The following MAML2 variants were observed in gnomAD, a reference collection of about 807,000 sequenced individuals.
MAML2 encodes mastermind-like protein 2.
MAML2 carries 22 observed loss-of-function variants against 96.1 expected under a neutral mutation model. That is an observed-to-expected ratio of 0.23 (90% CI 0.16 to 0.33). The LOEUF (loss-of-function observed/expected upper bound fraction) is 0.33. Among genes scored for constraint, MAML2 ranks in the 10% least tolerant of loss-of-function variants. The probability of loss-of-function intolerance (pLI) is 1.00; values close to 1 mark genes in which losing one functional copy is unlikely to be tolerated. For missense variants in MAML2, 1,367 were observed against 1,392.4 expected (o/e 0.98, Z 0.29); for synonymous variants, 561 against 521.3 (o/e 1.08, Z -1.04).
intron 1 of MAML2, among the ~76,000 whole-genome samples, chr11:96,149,800 C>A (rs530306041): frequency 6.6e-6 from 1 of 152,252 alleles, no homozygotes; most frequent in East Asian, 1.9e-4. Context: ...CTGTCTCCTT[C>A]TCTTTGTCTC....
intron 1 of MAML2, among the ~76,000 whole-genome samples, chr11:96,128,082 G>T (rs531589335): frequency 6.6e-6 from 1 of 152,234 alleles, no homozygotes; most frequent in African/African-American, 2.4e-5. Context: ...GGTCTAAAAA[G>T]CTCCCAGGTG....
At chr11:96,088,764 G>A (rs946487555) in intron 2 of MAML2, among the ~76,000 whole-genome samples, 4 of 152,100 alleles carry the variant, frequency 2.6e-5, no homozygotes, top group Non-Finnish European at 4.4e-5. Context: ...CATCTCTCAG[G>A]CATCATTTAC....
chr11:96,341,679 T>G lies in MAML2; in HGVS notation c.217A>C (p.Thr73Pro), dbSNP rs756335282. The G allele has an allele frequency of 2.5e-6, 4 of 1,594,216 alleles. No individual in the cohort carries two copies. In the Admixed American group the frequency reaches 7.0e-5, roughly 28 times the overall value. The change falls in exon 1 of 5, where the codon ACC becomes CCC. Residue 73 changes from threonine to proline, a missense_variant. Physicochemically the swap from Thr to Pro is conservative, Grantham distance 38. Coordinates refer to ENST00000524717, the MANE Select transcript of MAML2 (RefSeq NM_032427.4). ...AESSDRERESTLQLLSLVQHG... is the reference protein window; with the variant it reads ...AESSDRERESPLQLLSLVQHG... ...TGTACAAGGCTCAGGAGCTGCAAGGTGCTTTCTCTTTCCCGGTCTGAGCTC... is the reference window on the plus strand; with the variant it reads ...TGTACAAGGCTCAGGAGCTGCAAGGGGCTTTCTCTTTCCCGGTCTGAGCTC...
At chr11:96,117,117 C>T (rs561855231) in intron 1 of MAML2, among the ~76,000 whole-genome samples, 16 of 151,984 alleles carry the variant, frequency 1.1e-4, no homozygotes, top group African/African-American at 1.5e-4. Context: ...GAGGGGAGGG[C>T]ATCCCAAGGG....
chr11:96,149,737 AAAAGAAAAGT>A (rs898847957), intron 1 of MAML2, among the ~76,000 whole-genome samples: 2 of 152,192 alleles, frequency 1.3e-5, no homozygotes, highest in African/African-American at 4.8e-5. Flanking sequence ...CTGTCTCAAA[AAAAGAAAAGT>A]AAAGTTGTCC....
intron 1 of MAML2, among the ~76,000 whole-genome samples, chr11:96,263,711 C>G (rs1862781938): frequency 6.6e-6 from 1 of 152,228 alleles, no homozygotes; most frequent in Non-Finnish European, 1.5e-5. Context: ...CCTTTTGAGT[C>G]TGTACTTGGG....
chr11:96,257,354 G>C (rs1309449460), intron 1 of MAML2, among the ~76,000 whole-genome samples: 2 of 152,232 alleles, frequency 1.3e-5, no homozygotes, highest in Non-Finnish European at 2.9e-5. Flanking sequence ...GTAAGTTCTT[G>C]AAAGTGGGAA....
Position 96,342,849 on chromosome 11 carries a change from A to G in MAML2, c.-954T>C, listed in dbSNP as rs925401553. 9 of 332,136 alleles carry G rather than the reference A, an allele frequency of 2.7e-5. No individual in the cohort carries two copies. The highest frequency in any genetic ancestry group is 5.4e-6 in the Non-Finnish European group (1 of 184,224). 20.6% of individuals were successfully genotyped at this position (332,136 alleles called of 1,614,324 possible). A position where few individuals can be genotyped will look rare whatever the true frequency, so the allele number is the denominator to read the frequency against. On this transcript the variant is annotated 5_prime_UTR_variant, in exon 1 of 5. Coordinates refer to ENST00000524717, the MANE Select transcript of MAML2 (RefSeq NM_032427.4). ...TCCTCACCCCCGGCTCTATTCTAAT[A>G]CAGTATCAAGAGAGACAAACTCTTC...
chr11:96,055,933 C>A (rs1242119666), intron 2 of MAML2, among the ~76,000 whole-genome samples: 1 of 151,948 alleles, frequency 6.6e-6, no homozygotes, highest in African/African-American at 2.4e-5. Flanking sequence ...AAAAATGGCT[C>A]ATTTGAAAAA....
At chr11:96,070,597 C>T (rs1859330295) in intron 2 of MAML2, among the ~76,000 whole-genome samples, 1 of 152,216 alleles carries the variant, frequency 6.6e-6, no homozygotes, top group Non-Finnish European at 1.5e-5. Context: ...CTGGAGCTGC[C>T]CACCCCACTG....
chr11:96,008,932 G>A (rs1357229030), intron 2 of MAML2, among the ~76,000 whole-genome samples: 1 of 152,116 alleles, frequency 6.6e-6, no homozygotes, highest in Non-Finnish European at 1.5e-5. Context: ...TTTTCTTCCT[G>A]AAGACACAGC....
intron 1 of MAML2, among the ~76,000 whole-genome samples, chr11:96,097,334 G>A (rs1316372470): frequency 6.6e-6 from 1 of 152,164 alleles, no homozygotes; most frequent in East Asian, 1.9e-4. Context: ...GAGAATAAAG[G>A]CAAGGGTTTA....
At chr11:96,074,001 T>A (rs1859392176) in intron 2 of MAML2, among the ~76,000 whole-genome samples, 1 of 152,226 alleles carries the variant, frequency 6.6e-6, no homozygotes, top group Admixed American at 6.5e-5. Flanking sequence ...CATCGCTTAC[T>A]CTGAGGTTAT....
intron 4 of MAML2, among the ~76,000 whole-genome samples, chr11:95,983,029 A>T (rs1857558962): frequency 6.6e-6 from 1 of 152,102 alleles, no homozygotes; most frequent in Admixed American, 6.5e-5. Context: ...ATTATTTTGG[A>T]GTGTACTCCT....
intron 1 of MAML2, among the ~76,000 whole-genome samples, chr11:96,138,693 G>A (rs545891350): frequency 6.6e-6 from 1 of 152,136 alleles, no homozygotes; most frequent in African/African-American, 2.4e-5. Context: ...TCCTCACTTG[G>A]AAATGCCTGA....
chr11:96,298,074 C>G (rs897593941), intron 1 of MAML2, among the ~76,000 whole-genome samples: 3 of 152,142 alleles, frequency 2.0e-5, no homozygotes, highest in Non-Finnish European at 2.9e-5. Flanking sequence ...TTCATTCCCC[C>G]CAATTTCCCA....
chr11:96,035,678 A>G (rs1858700014), intron 2 of MAML2, among the ~76,000 whole-genome samples: 2 of 152,208 alleles, frequency 1.3e-5, no homozygotes, highest in South Asian at 2.1e-4. Flanking sequence ...GTGCTTTCCC[A>G]TTTTTTGGTA....
intron 3 of MAML2, among the ~76,000 whole-genome samples, chr11:95,989,380 C>T (rs1032716431): frequency 6.6e-6 from 1 of 152,214 alleles, no homozygotes; most frequent in Non-Finnish European, 1.5e-5. Flanking sequence ...CAGTTTATGC[C>T]ACTGCCCTTT....
At chr11:96,193,365 T>C (rs1224707036) in intron 1 of MAML2, among the ~76,000 whole-genome samples, 4 of 152,170 alleles carry the variant, frequency 2.6e-5, no homozygotes, top group Admixed American at 2.6e-4. Context: ...CGAGACTCCA[T>C]TTCAACAACA....
Sources: allele counts gnomAD v4.1 joint callset (sites outside exome capture counted in the v4.1 genomes callset), GRCh38; gene constraint gnomAD v4.1.1; transcripts MANE v1.5; gene names NCBI Gene and HGNC (gene_info 2026-07-23, HGNC 2026-07-21).